The following RNF19A variants were observed in gnomAD, a reference collection of about 807,000 sequenced individuals.
The protein encoded by RNF19A is ring finger protein 19A, RBR E3 ubiquitin protein ligase.
In RNF19A, 32 loss-of-function variants were observed where a neutral mutation model predicts 75.7. That is an observed-to-expected ratio of 0.42 (90% CI 0.32 to 0.57). The LOEUF is 0.57. Ranked by LOEUF, RNF19A falls within the 20% of genes least tolerant of loss-of-function variation. The pLI, the probability that RNF19A is intolerant of heterozygous loss-of-function variation, is 0.10. For synonymous variants in RNF19A, 335 were observed against 345.2 expected (o/e 0.97, Z 0.33); for missense variants, 782 against 1,036.3 (o/e 0.75, Z 3.37).
At chr8:100,270,996 T>A (rs1273811203) in intron 3 of RNF19A, among the ~76,000 whole-genome samples, 4 of 152,106 alleles carry the variant, frequency 2.6e-5, no homozygotes, top group Non-Finnish European at 5.9e-5. Flanking sequence ...GAAAAGATAT[T>A]TATAGTGCTA....
intron 1 of RNF19A, among the ~76,000 whole-genome samples, chr8:100,291,476 A>C (rs1253375733): frequency 6.6e-6 from 1 of 152,212 alleles, no homozygotes; most frequent in East Asian, 1.9e-4. Flanking sequence ...AGGATTCGTA[A>C]AACATGTTAA....
chr8:100,317,414 C>T lies in RNF19A; in HGVS notation c.-242-4042G>A, dbSNP rs1023782998. ...AAGTTTTCTTCCACTAGATCTCTCA[C>T]TGGGCCCTTCAGAGAGTGCCAGGGG... On this transcript the variant is annotated intron_variant, in intron 1 of 3. Coordinates refer to the RNF19A transcript ENST00000519527. This position sits in a 1 kb window ranked among gnomAD's most constrained non-coding sequence, Gnocchi z 4.3. Among the ~76,000 whole-genome samples the T allele has an allele frequency of 6.6e-6, 1 of 152,254 alleles. No homozygotes were observed. The highest frequency in any genetic ancestry group is 1.5e-5 in the Non-Finnish European group (1 of 68,034).
intron 1 of RNF19A, among the ~76,000 whole-genome samples, chr8:100,327,482 C>A (rs988760202): frequency 2.0e-5 from 3 of 152,002 alleles, no homozygotes; most frequent in African/African-American, 7.3e-5. Context: ...AAACTCCCGA[C>A]TCAAGTGATG....
chr8:100,299,687 A>T lies in RNF19A; in HGVS notation c.-94+10180T>A, dbSNP rs567359588. On this transcript the variant is annotated intron_variant, in intron 1 of 9. Coordinates refer to ENST00000341084, the MANE Select transcript of RNF19A (RefSeq NM_183419.4). ...GGCAGAAGAATTGCTTGAACCCAGGAGGTGGAGGTTGAGTAAGCCAAGATT... is the reference window on the plus strand; with the variant it reads ...GGCAGAAGAATTGCTTGAACCCAGGTGGTGGAGGTTGAGTAAGCCAAGATT... Among the ~76,000 whole-genome samples, 5 of 152,262 alleles carry T rather than the reference A, an allele frequency of 3.3e-5. No homozygotes were observed. In the South Asian group the frequency reaches 1.0e-3, roughly 32 times the overall value.
rs948357266 is a variant in RNF19A at position 100,325,710 on chromosome 8, A to T, written c.-243+10398T>A. 3.3e-5 allele frequency among the ~76,000 whole-genome samples: 5 copies of T among 152,180 alleles called. No homozygotes were observed. The highest frequency in any genetic ancestry group is 1.2e-4 in the African/African-American group (5 of 41,434). On this transcript the variant is annotated intron_variant, in intron 1 of 3. Coordinates refer to the RNF19A transcript ENST00000519527. This position sits in a 1 kb window ranked among gnomAD's most constrained non-coding sequence, Gnocchi z 4.3. Reference sequence around the variant, plus strand: ...TCATTGTTATCAACCTCAATATTGCAGAAAATATCTGTGGATGTTTATGGA... The same window carrying T: ...TCATTGTTATCAACCTCAATATTGCTGAAAATATCTGTGGATGTTTATGGA...
rs1174168676 is a variant in RNF19A, at chr8:100,259,220, A to G, written c.1853T>C (p.Val618Ala). 2 of 1,612,898 alleles carry G rather than the reference A, an allele frequency of 1.2e-6. No homozygotes were observed. The highest frequency in any genetic ancestry group is 1.7e-5 in the Admixed American group (1 of 60,006). The change falls in exon 10 of 10, where the codon GTA (valine) becomes GCA (alanine). Residue 618 changes from valine to alanine, a missense_variant. Physicochemically the swap from Val to Ala is moderately conservative, Grantham distance 64. This residue lies in a region of RNF19A where 442 missense variants were observed against 541.6 expected (regional missense o/e 0.82). Transcript: ENST00000341084. This position sits in a 1 kb window ranked among gnomAD's most constrained non-coding sequence, Gnocchi z 4.5. ...TTTGGATGGCTTTGACTCAATATCT[A>G]CTTGCACCTCCATACTGTTGCCTTC... ...DKEGNSMEVQ[V>A]DIESKPSKFR...
chr8:100,261,193 C>T lies in RNF19A; in HGVS notation c.1682+349G>A, dbSNP rs1170915179. On this transcript the variant is annotated intron_variant, in intron 8 of 9. Coordinates refer to ENST00000341084, the MANE Select transcript of RNF19A (RefSeq NM_183419.4). This position sits in a 1 kb window ranked among gnomAD's most constrained non-coding sequence, Gnocchi z 4.4. ...GACTGCAGCCTCCAACTCCCAGGCTCAAGTGATCCTCCTACCTCAGCCTCC... is the reference window on the plus strand; with the variant it reads ...GACTGCAGCCTCCAACTCCCAGGCTTAAGTGATCCTCCTACCTCAGCCTCC... 2.6e-5 allele frequency among the ~76,000 whole-genome samples: 4 copies of T among 152,030 alleles called. No homozygotes were observed. Among genetic ancestry groups the T allele is most frequent in the African/African-American group, 4.8e-5 (2 of 41,376 alleles).
Position 100,269,191 on chromosome 8 carries a change from A to G in RNF19A, c.1029-244T>C, listed in dbSNP as rs1820137637. ...TCTATATTATATTAACAAGATACTG[A>G]TAACTGAAATTCAGGTTAAAAATTT... On this transcript the variant is annotated intron_variant, in intron 4 of 9. Coordinates refer to ENST00000341084, the MANE Select transcript of RNF19A (RefSeq NM_183419.4). The surrounding 1 kb of genome is among the most constrained non-coding windows in gnomAD (Gnocchi z 5.7). Among the ~76,000 whole-genome samples, 1 of 151,136 alleles carries G rather than the reference A, an allele frequency of 6.6e-6. No homozygotes were observed. Among genetic ancestry groups the G allele is most frequent in the African/African-American group, 2.4e-5 (1 of 41,298 alleles).
In RNF19A at chr8:100,309,575, C is replaced by A. The variant is rs1039794895; in HGVS notation, c.-94+292G>T. ...CCGCACAGGCACCAGGAGGACAGGG[C>A]TTGGGGCGGATCCCACGCTCCACCT... is the stretch of plus-strand genomic sequence containing the variant. On this transcript the variant is annotated intron_variant, in intron 1 of 9. Coordinates refer to ENST00000341084, the MANE Select transcript of RNF19A (RefSeq NM_183419.4). The A allele has an allele frequency of 3.1e-6, 3 of 977,502 alleles. No homozygotes were observed. In the African/African-American group the frequency reaches 5.3e-5, roughly 17 times the overall value. 60.6% of individuals were successfully genotyped at this position (977,502 alleles called of 1,614,324 possible). A position where few individuals can be genotyped will look rare whatever the true frequency, so the allele number is the denominator to read the frequency against.
At chr8:100,309,166 C>T (rs1207491151) in intron 1 of RNF19A, 10 of 286,528 alleles carry the variant, frequency 3.5e-5, no homozygotes, top group Non-Finnish European at 5.2e-5. Flanking sequence ...GCTGGGAACA[C>T]CCTAAAGGCT....
At chr8:100,300,679 A>T (rs1302394663) in intron 1 of RNF19A, 6 of 152,234 alleles carry the variant, frequency 3.9e-5, no homozygotes, top group Admixed American at 6.5e-5. Flanking sequence ...GAAAAAAATT[A>T]AAAAATAAAA....
chr8:100,307,870 G>C (rs191822457), intron 1 of RNF19A, among the ~76,000 whole-genome samples: 3 of 151,996 alleles, frequency 2.0e-5, no homozygotes, highest in African/African-American at 7.3e-5. Context: ...AGGAATCTTA[G>C]CACCTCTCGT....
At chr8:100,290,067 T>C (rs1386430473) in intron 1 of RNF19A, among the ~76,000 whole-genome samples, 2 of 152,170 alleles carry the variant, frequency 1.3e-5, no homozygotes, top group Non-Finnish European at 2.9e-5. Context: ...TAATGTACAA[T>C]GTTAGGAGTC....
chr8:100,308,499 G>A (rs1586687840), intron 1 of RNF19A, among the ~76,000 whole-genome samples: 1 of 152,202 alleles, frequency 6.6e-6, no homozygotes, highest in East Asian at 1.9e-4. Flanking sequence ...TGTTAAAGAA[G>A]CAAAAACAGG....
chr8:100,306,416 A>G (rs1822063701), intron 1 of RNF19A, among the ~76,000 whole-genome samples: 1 of 152,198 alleles, frequency 6.6e-6, no homozygotes, highest in Non-Finnish European at 1.5e-5. Context: ...ATGATTTATA[A>G]AATAAAATAC....
chr8:100,289,262 T>C (rs1482498446), intron 1 of RNF19A, among the ~76,000 whole-genome samples: 1 of 152,012 alleles, frequency 6.6e-6, no homozygotes, highest in Non-Finnish European at 1.5e-5. Context: ...CAGATCTAAA[T>C]ATAAAGCTTC....
At chr8:100,307,048 C>T (rs949519240) in intron 1 of RNF19A, among the ~76,000 whole-genome samples, 2 of 152,198 alleles carry the variant, frequency 1.3e-5, no homozygotes, top group Non-Finnish European at 2.9e-5. Flanking sequence ...ATGCAATATG[C>T]AATGAAATGT....
intron 3 of RNF19A, among the ~76,000 whole-genome samples, chr8:100,273,214 T>A (rs1038891215): frequency 6.6e-5 from 10 of 152,304 alleles, no homozygotes; most frequent in South Asian, 2.1e-4. Flanking sequence ...AGTTTTTTTT[T>A]AAAACAATCG....
intron 3 of RNF19A, among the ~76,000 whole-genome samples, chr8:100,273,836 G>A (rs1391062484): frequency 2.0e-5 from 3 of 152,064 alleles, no homozygotes; most frequent in Admixed American, 2.0e-4. Context: ...AGGCTGGAGG[G>A]CAGTGGCACA....
Sources: gnomAD v4.1 joint callset for allele counts (sites outside exome capture counted in the v4.1 genomes callset) on GRCh38, gnomAD v4.1.1 for gene constraint, gnomAD v4.1.1 regional missense constraint, Gnocchi (gnomAD v3.1) non-coding constraint, MANE v1.5 for transcripts, NCBI Gene and HGNC (gene_info 2026-07-23, HGNC 2026-07-21) for gene names.